The following KIFBP variants were observed in gnomAD, a reference collection of about 807,000 sequenced individuals.
KIFBP encodes the protein KIF-binding protein.
Under a neutral mutation model 58.9 loss-of-function variants are expected in KIFBP, and 46 were observed. The ratio of observed to expected loss-of-function variants is 0.78; its 90% CI spans 0.62 to 1.00. The LOEUF (loss-of-function observed/expected upper bound fraction) is 1.00, where lower values mean the gene tolerates loss of function less well. KIFBP is among the 50% of genes least tolerant of loss of function. KIFBP has a pLI of 0.00. For missense variants in KIFBP, 651 were observed against 752.9 expected (o/e 0.86, Z 1.58); for synonymous variants, 241 against 283.4 (o/e 0.85, Z 1.50).
intron 1 of KIFBP, 119 bp downstream of exon 1, chr10:68,989,377 C>T (rs771132522): frequency 2.8e-5 from 32 of 1,130,596 alleles, no homozygotes; most frequent in Non-Finnish European, 3.9e-5. Flanking sequence ...GTTTTTGTAG[C>T]TCTGGACTGA....
At position 68,988,948 on chromosome 10, in the gene KIFBP, C is replaced by T. The variant is rs372223602; in HGVS notation, c.116C>T (p.Ala39Val). The T allele has an allele frequency of 6.2e-7, 1 of 1,614,236 alleles. No individual in the cohort carries two copies. Among genetic ancestry groups the T allele is most frequent in the Non-Finnish European group, 8.5e-7 (1 of 1,180,042 alleles). Residue 39 changes from alanine (A) to valine (V), a missense_variant, in exon 1 of 7, where the codon GCC becomes GTC. Ala to Val is a moderately conservative substitution (Grantham distance 64). Coordinates refer to ENST00000361983, the MANE Select transcript of KIFBP (RefSeq NM_015634.4). The part of the protein sequence containing the change: ...EKEPYKSKYS[A>V]RALLEEVKAL... ...GAACCATACAAGTCCAAATACAGCG[C>T]CCGGGCGCTACTGGAAGAGGTCAAG...
In KIFBP at chr10:69,005,831, A is replaced by G. The variant is rs376375367; in HGVS notation, c.705A>G (p.Leu235=). The G allele has an allele frequency of 2.5e-6, 4 of 1,614,056 alleles. No homozygotes were observed. In the African/African-American group the frequency reaches 4.0e-5, roughly 16 times the overall value. The change falls in exon 4 of 7, where the codon CTA becomes CTG. Residue 235 remains leucine, a synonymous_variant. Coordinates refer to ENST00000361983, the MANE Select transcript of KIFBP (RefSeq NM_015634.4). ...EKAAHYCHST[L]KRQLEHNAYH... ...CTGCTCACTATTGCCATAGTACACT[A>G]AAACGCCAGCTTGAGCACAATGCCT...
intron 3 of KIFBP, among the ~76,000 whole-genome samples, chr10:69,005,406 G>T (rs1001728110): frequency 3.4e-4 from 52 of 152,226 alleles, no homozygotes; most frequent in African/African-American, 1.2e-3. Flanking sequence ...GTCCGGACAC[G>T]GTGGCTTACA....
intron 2 of KIFBP, among the ~76,000 whole-genome samples, chr10:69,003,620 A>C (rs1229470763): frequency 2.6e-5 from 4 of 152,196 alleles, no homozygotes; most frequent in Non-Finnish European, 5.9e-5. Flanking sequence ...AATCCTCATG[A>C]GATAGATACT....
chr10:69,009,043 C>A (rs1035949626), intron 5 of KIFBP, 118 bp downstream of exon 5: 10 of 752,620 alleles, frequency 1.3e-5, no homozygotes, highest in Middle Eastern at 2.7e-4. Context: ...TCTAAATGCA[C>A]CAATTTTTAG....
chr10:69,015,157 C>T (rs868036123), intron 6 of KIFBP, among the ~76,000 whole-genome samples: 26 of 152,188 alleles, frequency 1.7e-4, no homozygotes, highest in African/African-American at 5.5e-4. Flanking sequence ...CTCCTGACCT[C>T]GTGATCTGTC....
intron 4 of KIFBP, 192 bp downstream of exon 4, chr10:69,006,107 G>T (rs1843533013): frequency 1.5e-5 from 9 of 585,996 alleles, no homozygotes; most frequent in Non-Finnish European, 2.4e-5. Context: ...GAATTATTTT[G>T]AGTTTTAAAA....
chr10:69,009,670 G>A (rs1410156610), intron 5 of KIFBP, among the ~76,000 whole-genome samples: 1 of 152,178 alleles, frequency 6.6e-6, no homozygotes, highest in Non-Finnish European at 1.5e-5. Context: ...ACATGCATAA[G>A]CGATGTTGCC....
chr10:69,014,983 C>T (rs986802147), intron 6 of KIFBP, among the ~76,000 whole-genome samples: 5 of 152,008 alleles, frequency 3.3e-5, no homozygotes, highest in African/African-American at 4.8e-5. Flanking sequence ...AGTGCTGTGG[C>T]GCAATCTCCA....
At chr10:69,001,179 G>C (rs1843461432) in intron 2 of KIFBP, among the ~76,000 whole-genome samples, 1 of 151,160 alleles carries the variant, frequency 6.6e-6, no homozygotes, top group African/African-American at 2.4e-5. Flanking sequence ...AAAATTGATT[G>C]AGTTACTCTG....
intron 6 of KIFBP, among the ~76,000 whole-genome samples, chr10:69,013,523 A>G (rs1338405081): frequency 1.3e-5 from 2 of 152,166 alleles, no homozygotes; most frequent in Non-Finnish European, 2.9e-5. Context: ...TTAAATAAGC[A>G]TCCTAGAGAG....
chr10:68,997,422 G>C (rs963501437), intron 1 of KIFBP, among the ~76,000 whole-genome samples: 4 of 152,116 alleles, frequency 2.6e-5, no homozygotes, highest in Non-Finnish European at 4.4e-5. Flanking sequence ...TTGTTTGAAA[G>C]TGTATAGCAC....
At chr10:69,013,595 A>G (rs1458054134) in intron 6 of KIFBP, among the ~76,000 whole-genome samples, 1 of 152,204 alleles carries the variant, frequency 6.6e-6, no homozygotes, top group East Asian at 1.9e-4. Flanking sequence ...GAGACTTATG[A>G]TCTACATTTG....
intron 1 of KIFBP, among the ~76,000 whole-genome samples, chr10:68,994,239 C>T (rs1245067573): frequency 3.3e-5 from 5 of 150,392 alleles, no homozygotes; most frequent in South Asian, 2.1e-4. Context: ...ACTAAGTATA[C>T]ACACACACAC....
intron 6 of KIFBP, among the ~76,000 whole-genome samples, chr10:69,014,719 C>T (rs1838967254): frequency 1.5e-5 from 2 of 136,544 alleles, no homozygotes; most frequent in South Asian, 2.5e-4. Context: ...TTTATTTGCC[C>T]CCCCCCACCC....
At chr10:69,005,655 A>G in intron 3 of KIFBP, 77 bp from the exon 4 acceptor site, 1 of 1,146,826 alleles carries the variant, frequency 8.7e-7, no homozygotes, top group South Asian at 1.3e-5. Flanking sequence ...CCTGGGCAAC[A>G]GAGCGAGACT....
chr10:68,997,386 C>T (rs998969248), intron 1 of KIFBP, among the ~76,000 whole-genome samples: 5 of 152,112 alleles, frequency 3.3e-5, no homozygotes, highest in African/African-American at 4.8e-5. Context: ...GGGTGGATTT[C>T]GTCTTGCTGT....
chr10:69,015,653 G>T lies in KIFBP; in HGVS notation c.1103G>T (p.Gly368Val). Residue 368 changes from glycine to valine, a missense_variant, in exon 7 of 7, where the codon GGT (glycine) becomes GTT (valine). Gly to Val is a moderately radical substitution (Grantham distance 109, BLOSUM62 -3). Transcript: ENST00000361983. ...IRKKAVQFGT[G>V]ELCDAISAVE... ...AAAAAAGCTGTGCAGTTTGGAACCGGTGAACTGTGTGATGCCATCTCTGCA... is the reference window on the plus strand; with the variant it reads ...AAAAAAGCTGTGCAGTTTGGAACCGTTGAACTGTGTGATGCCATCTCTGCA... 1 of 1,614,206 alleles carries T rather than the reference G, an allele frequency of 6.2e-7. No individual in the cohort carries two copies. Among genetic ancestry groups the T allele is most frequent in the South Asian group, 1.1e-5 (1 of 91,090 alleles).
chr10:68,989,548 G>C (rs1843317958), intron 1 of KIFBP: 3 of 544,438 alleles, frequency 5.5e-6, no homozygotes, highest in South Asian at 4.3e-5. Context: ...GCGATGCATT[G>C]GTGTCCGAGA....
Sources: gnomAD v4.1 joint callset for allele counts (sites outside exome capture counted in the v4.1 genomes callset) on GRCh38, gnomAD v4.1.1 for gene constraint, MANE v1.5 for transcripts, NCBI Gene and HGNC (gene_info 2026-07-23, HGNC 2026-07-21) for gene names.